Variants in ARFGEF3 observed in about 807,000 individuals in gnomAD.
ARFGEF3 encodes the protein ARFGEF family member 3, also known as brefeldin A-inhibited guanine nucleotide-exchange protein 3.
In ARFGEF3, 96 loss-of-function variants were observed where a neutral mutation model predicts 221.7. The ratio of observed to expected loss-of-function variants is 0.43; its 90% confidence interval spans 0.37 to 0.51. The LOEUF (loss-of-function observed/expected upper bound fraction) is 0.51, where lower values mean the gene tolerates loss of function less well. Among genes scored for constraint, ARFGEF3 ranks in the 20% least tolerant of loss-of-function variants. The probability of loss-of-function intolerance (pLI) is 0.00; values close to 1 mark genes in which losing one functional copy is unlikely to be tolerated. For missense variants in ARFGEF3, 2,410 were observed against 2,789.9 expected, an observed-to-expected ratio of 0.86 and a Z score of 3.07; for synonymous variants, 1,145 against 1,126.8, an observed-to-expected ratio of 1.02 and a Z score of -0.32.
chr6:138,307,438 C>T lies in ARFGEF3; in HGVS notation c.3973+41C>T, dbSNP rs74930136. 9,556 of 1,575,598 alleles carry T rather than the reference C, an allele frequency of 6.1e-3. 426 individuals are homozygous for T. The African/African-American group carries it at 0.11, about 18-fold the overall frequency. Reference sequence around the variant, plus strand: ...TGATTCTTGCTATTCAGCATTAATTCTCTGTGCCAAGTTTCATGCTATTAA... The same window carrying T: ...TGATTCTTGCTATTCAGCATTAATTTTCTGTGCCAAGTTTCATGCTATTAA... On this transcript the variant is annotated intron_variant, in intron 23 of 33. Transcript: ENST00000251691.
intron 2 of ARFGEF3, among the ~76,000 whole-genome samples, chr6:138,176,606 C>A (rs1776952931): frequency 6.6e-6 from 1 of 151,692 alleles, no homozygotes; most frequent in Non-Finnish European, 1.5e-5. Flanking sequence ...CATTTAGATT[C>A]TTTGTTTTTT....
intron 1 of ARFGEF3, among the ~76,000 whole-genome samples, chr6:138,167,431 C>T (rs1271269558): frequency 6.6e-6 from 1 of 152,188 alleles, no homozygotes; most frequent in African/African-American, 2.4e-5. Context: ...CTTGCAGGCA[C>T]TCAGCTCAAC....
Position 138,282,918 on chromosome 6 carries a change from A to G in ARFGEF3, c.2461+2754A>G, listed in dbSNP as rs114157665. Among the ~76,000 whole-genome samples the G allele has an allele frequency of 9.1e-3, 1,391 of 152,160 alleles. 16 individuals carry two copies. The highest frequency in any genetic ancestry group is 0.029 in the South Asian group (141 of 4,806). On this transcript the variant is annotated intron_variant, in intron 14 of 33. Transcript: ENST00000251691. ...ATACAAAAATTAGCTGAGCATGTTG[A>G]CCAGCACTTGTAGTCCCAGCTACTT...
chr6:138,218,119 A>C (rs1562357432), intron 4 of ARFGEF3: 3 of 1,613,962 alleles, frequency 1.9e-6, no homozygotes, highest in Non-Finnish European at 2.5e-6. Context: ...TTCATTGAGG[A>C]ACCTTTCATG....
chr6:138,195,358 G>A (rs1034585187), intron 2 of ARFGEF3, among the ~76,000 whole-genome samples: 2 of 152,078 alleles, frequency 1.3e-5, no homozygotes, highest in Non-Finnish European at 2.9e-5. Flanking sequence ...TATTTAAAAT[G>A]TAGAAACATG....
intron 14 of ARFGEF3, among the ~76,000 whole-genome samples, chr6:138,284,526 T>C (rs75733045): frequency 0.011 from 1,604 of 152,294 alleles, 18 homozygotes; most frequent in African/African-American, 0.032. Flanking sequence ...GACTAAAGCT[T>C]AGCCTTCTCA....
At position 138,342,746 on chromosome 6, in the gene ARFGEF3, AGTT is replaced by A. The variant is rs981447976; in HGVS notation, c.*6264_*6266del. The A allele has an allele frequency of 5.3e-5, 8 of 152,116 alleles. No individual in the cohort carries two copies. The highest frequency in any genetic ancestry group is 1.0e-4 in the Non-Finnish European group (7 of 68,026). 9.4% of individuals were successfully genotyped at this position (152,116 alleles called of 1,614,324 possible). On this transcript the variant is annotated 3_prime_UTR_variant, in exon 34 of 34. Transcript: ENST00000251691. The stretch of plus-strand genomic sequence containing the variant: ...ATTTTTGAATAGTTGTTTGCTTGCC[AGTT>A]GTTTTACATCTTTCATTGGCCACCA...
At chr6:138,309,211 C>T (rs1209326433) in intron 24 of ARFGEF3, among the ~76,000 whole-genome samples, 1 of 152,164 alleles carries the variant, frequency 6.6e-6, no homozygotes, top group Non-Finnish European at 1.5e-5. Context: ...TGGAAACTCT[C>T]AAAATTTTAA....
Position 138,336,341 on chromosome 6 carries a change from T to G in ARFGEF3, c.6389T>G (p.Leu2130Arg), listed in dbSNP as rs1186494896. Residue 2130 changes from leucine (L) to arginine (R), a missense_variant, in exon 34 of 34, where the codon CTC becomes CGC. Around this residue, in one of 5 missense-constraint regions of ARFGEF3, gnomAD observed 339 missense variants for 334.9 expected, o/e 1.01. Coordinates refer to ENST00000251691, the MANE Select transcript of ARFGEF3 (RefSeq NM_020340.5). The part of the protein sequence containing the change: ...VLTVLNQIQI[L>R]PDQTFTALQP... Reference sequence around the variant, plus strand: ...ACAGTTCTCAATCAGATTCAGATTCTCCCAGACCAGACCTTCACGGCCCTC... The same window carrying G: ...ACAGTTCTCAATCAGATTCAGATTCGCCCAGACCAGACCTTCACGGCCCTC... 6.2e-7 allele frequency: 1 copy of G among 1,609,508 alleles called. No homozygotes were observed. Among genetic ancestry groups the G allele is most frequent in the Non-Finnish European group, 8.5e-7 (1 of 1,178,076 alleles).
intron 2 of ARFGEF3, among the ~76,000 whole-genome samples, chr6:138,178,281 G>A (rs1355958294): frequency 6.6e-6 from 1 of 152,054 alleles, no homozygotes; most frequent in African/African-American, 2.4e-5. Context: ...CCAAAGCCAA[G>A]ACCAAAACCA....
chr6:138,330,551 T>A (rs1490931735), intron 32 of ARFGEF3, among the ~76,000 whole-genome samples: 1 of 152,088 alleles, frequency 6.6e-6, no homozygotes, highest in African/African-American at 2.4e-5. Flanking sequence ...ATGCCTGTAA[T>A]CCCAGCTACT....
At chr6:138,329,001 A>T (rs1490355832) in intron 32 of ARFGEF3, among the ~76,000 whole-genome samples, 1 of 152,130 alleles carries the variant, frequency 6.6e-6, no homozygotes, top group Admixed American at 6.5e-5. Flanking sequence ...TGCCTAATTT[A>T]AAAAAATAAA....
intron 4 of ARFGEF3, among the ~76,000 whole-genome samples, chr6:138,227,455 G>A (rs924808369): frequency 8.5e-5 from 13 of 152,192 alleles, no homozygotes; most frequent in Non-Finnish European, 1.5e-4. Flanking sequence ...ACGGAAGGCA[G>A]AAAGTTGATC....
At chr6:138,316,919 A>C (rs952166564) in intron 26 of ARFGEF3, among the ~76,000 whole-genome samples, 1 of 152,240 alleles carries the variant, frequency 6.6e-6, no homozygotes, top group African/African-American at 2.4e-5. Context: ...AGATAGATGA[A>C]GGTGATAGAA....
Position 138,199,366 on chromosome 6 carries a change from A to G in ARFGEF3, c.138-7676A>G, listed in dbSNP as rs142500236. 1.3e-4 allele frequency among the ~76,000 whole-genome samples: 20 copies of G among 152,350 alleles called. No homozygotes were observed. The East Asian group carries it at 3.9e-3, about 29-fold the overall frequency. On this transcript the variant is annotated intron_variant, in intron 2 of 33. Transcript: ENST00000251691. Reference sequence around the variant, plus strand: ...TCACAGAATCCTAGAATTTTAGAGTATAAGCAGACCTCAGAAATGTAAGAT... The same window carrying G: ...TCACAGAATCCTAGAATTTTAGAGTGTAAGCAGACCTCAGAAATGTAAGAT...
chr6:138,250,918 C>G lies in ARFGEF3; in HGVS notation c.666-2962C>G, dbSNP rs148133266. Reference sequence around the variant, plus strand: ...TAGGTTACTTTTTGCCTTGTGCATTCTACTTACTTGTTTGTACAAGGACAG... The same window carrying G: ...TAGGTTACTTTTTGCCTTGTGCATTGTACTTACTTGTTTGTACAAGGACAG... On this transcript the variant is annotated intron_variant, in intron 8 of 33. Transcript: ENST00000251691. 3.3e-5 allele frequency among the ~76,000 whole-genome samples: 5 copies of G among 152,316 alleles called. No homozygotes were observed. The East Asian group carries it at 9.6e-4, about 29-fold the overall frequency.
At chr6:138,242,125 C>T (rs1057181546) in intron 6 of ARFGEF3, among the ~76,000 whole-genome samples, 3 of 152,118 alleles carry the variant, frequency 2.0e-5, no homozygotes, top group Non-Finnish European at 1.5e-5. Context: ...GGTAGAAATG[C>T]GTGCCTGTAG....
intron 4 of ARFGEF3, among the ~76,000 whole-genome samples, chr6:138,228,007 C>A (rs1778118978): frequency 6.6e-6 from 1 of 152,184 alleles, no homozygotes; most frequent in Admixed American, 6.6e-5. Context: ...CCTCCAAGCC[C>A]AGGGTAGGTC....
chr6:138,300,439 C>G (rs1779609055), intron 22 of ARFGEF3, among the ~76,000 whole-genome samples: 1 of 151,888 alleles, frequency 6.6e-6, no homozygotes, highest in Non-Finnish European at 1.5e-5. Context: ...CAGGGAACAA[C>G]TAAAAAAAGT....
Sources: allele counts gnomAD v4.1 joint callset (sites outside exome capture counted in the v4.1 genomes callset), GRCh38; gene constraint gnomAD v4.1.1; regional missense constraint gnomAD v4.1.1; transcripts MANE v1.5; gene names NCBI Gene and HGNC (gene_info 2026-07-23, HGNC 2026-07-21).